Variants in CCNJL observed in about 807,000 individuals in gnomAD.
CCNJL encodes cyclin J like.
In CCNJL, 33 loss-of-function variants were observed where a neutral mutation model predicts 33.4. That is an observed-to-expected ratio of 0.99 (90% confidence interval 0.75 to 1.32). The LOEUF is 1.32. Among genes scored for constraint, CCNJL ranks in the 40% most tolerant of loss-of-function variants. The pLI is 0.00. For missense variants in CCNJL, 512 were observed against 499.7 expected (o/e 1.02, Z -0.23); for synonymous variants, 227 against 220.9 (o/e 1.03, Z -0.24).
At chr5:160,289,884 G>A (rs762693154) in intron 2 of CCNJL, among the ~76,000 whole-genome samples, 2 of 152,194 alleles carry the variant, frequency 1.3e-5, no homozygotes, top group African/African-American at 2.4e-5. Context: ...GGGAGTGCAG[G>A]TGAGGCCAGG....
intron 2 of CCNJL, among the ~76,000 whole-genome samples, chr5:160,299,022 A>G (rs1234035272): frequency 6.6e-6 from 1 of 152,134 alleles, no homozygotes; most frequent in African/African-American, 2.4e-5. Context: ...TCTGTCACCC[A>G]GGCTACAGTG....
chr5:160,331,346 C>T (rs1763605742), intron 1 of CCNJL, among the ~76,000 whole-genome samples: 1 of 151,786 alleles, frequency 6.6e-6, no homozygotes, highest in South Asian at 2.1e-4. Context: ...GCCTCAGCCT[C>T]CCAAGTAGCT....
At chr5:160,330,776 G>A (rs1323601760) in intron 1 of CCNJL, among the ~76,000 whole-genome samples, 1 of 151,984 alleles carries the variant, frequency 6.6e-6, no homozygotes, top group Non-Finnish European at 1.5e-5. Context: ...CAGTTCTCCT[G>A]CCTCAGCCTC....
At position 160,311,988 on chromosome 5, in the gene CCNJL, CA is replaced by C; in HGVS notation, c.-49-17del. On this transcript the variant is annotated splice_polypyrimidine_tract_variant and intron_variant, in intron 1 of 5. Transcript: ENST00000257536. ...AGGGCGCACCCTGCGTGGACACGGG[CA>C]ACTTCAGCGGCCAGAGCGTACCCCG... 7.3e-6 allele frequency: 11 copies of C among 1,498,032 alleles called. No homozygotes were observed. Among genetic ancestry groups the C allele is most frequent in the Non-Finnish European group, 1.0e-5 (11 of 1,076,290 alleles). 92.8% of individuals were successfully genotyped at this position (1,498,032 alleles called of 1,614,324 possible).
upstream of CCNJL, among the ~76,000 whole-genome samples, chr5:160,313,678 A>G (rs1220929619): frequency 6.6e-6 from 1 of 152,164 alleles, no homozygotes; most frequent in Admixed American, 6.5e-5. Flanking sequence ...GCTCTTAATG[A>G]AGACATTACA....
chr5:160,262,768 G>A (rs1400057525), intron 3 of CCNJL, among the ~76,000 whole-genome samples: 7 of 152,324 alleles, frequency 4.6e-5, no homozygotes, highest in African/African-American at 1.7e-4. Flanking sequence ...TTAAAAAGCA[G>A]CCAGAAAAGA....
chr5:160,284,873 CT>C (rs915499338), intron 2 of CCNJL, among the ~76,000 whole-genome samples: 34 of 149,678 alleles, frequency 2.3e-4, no homozygotes, highest in African/African-American at 6.6e-4. Flanking sequence ...CTTTTTTCAA[CT>C]TTTTTTTTTA....
intron 1 of CCNJL, among the ~76,000 whole-genome samples, chr5:160,328,683 A>G (rs1243587287): frequency 6.6e-6 from 1 of 151,410 alleles, no homozygotes; most frequent in Non-Finnish European, 1.5e-5. Context: ...CAGCCTGACC[A>G]ATATGGTGAA....
At chr5:160,278,765 G>A (rs906277539) in intron 3 of CCNJL, among the ~76,000 whole-genome samples, 1 of 152,238 alleles carries the variant, frequency 6.6e-6, no homozygotes, top group Admixed American at 6.5e-5. Flanking sequence ...GGGCCGCGAT[G>A]CAGCCCACAG....
rs1368624608 is a variant in CCNJL at position 160,280,755 on chromosome 5, G to A, written c.67-17C>T. ...CTTCAGTTCCTGGAGGACAGGCGGG[G>A]CGGAGGGGTGACGGTCAGGGCTGCC... is the stretch of plus-strand genomic sequence containing the variant. On this transcript the variant is annotated splice_polypyrimidine_tract_variant and intron_variant, in intron 2 of 5. Coordinates refer to ENST00000257536, the MANE Select transcript of CCNJL (RefSeq NM_001308173.3). 4 of 1,550,830 alleles carry A rather than the reference G, an allele frequency of 2.6e-6. No homozygotes were observed. Among genetic ancestry groups the A allele is most frequent in the East Asian group, 2.4e-5 (1 of 42,288 alleles).
intron 2 of CCNJL, among the ~76,000 whole-genome samples, chr5:160,301,887 G>A (rs570061057): frequency 1.3e-5 from 2 of 151,416 alleles, no homozygotes; most frequent in East Asian, 2.0e-4. Flanking sequence ...GTGCCACCAC[G>A]CCCAGCTAAT....
Position 160,312,386 on chromosome 5 carries a change from G to C in CCNJL, c.-72C>G, listed in dbSNP as rs1454067140. 6.2e-6 allele frequency: 1 copy of C among 161,042 alleles called. No individual in the cohort carries two copies. The highest frequency in any genetic ancestry group is 2.4e-5 in the African/African-American group (1 of 41,558). The allele number at this position is 161,042 out of a possible 1,614,324, so 10.0% of individuals were successfully genotyped here. ...CACGCATCCTCTCTGGGCGTGGGGGGCTGCGAGCGCCGGGCCCCTCCCAGT... is the reference window on the plus strand; with the variant it reads ...CACGCATCCTCTCTGGGCGTGGGGGCCTGCGAGCGCCGGGCCCCTCCCAGT... On this transcript the variant is annotated 5_prime_UTR_variant, in exon 1 of 6. Coordinates refer to ENST00000257536, the MANE Select transcript of CCNJL (RefSeq NM_001308173.3).
chr5:160,274,260 A>T (rs1015514003), intron 3 of CCNJL, among the ~76,000 whole-genome samples: 7 of 151,980 alleles, frequency 4.6e-5, no homozygotes, highest in Non-Finnish European at 1.0e-4. Context: ...GGTGTTTGAG[A>T]CTAGCCTGGC....
At chr5:160,265,840 G>A (rs1761558293) in intron 3 of CCNJL, among the ~76,000 whole-genome samples, 1 of 147,736 alleles carries the variant, frequency 6.8e-6, no homozygotes, top group South Asian at 2.1e-4. Flanking sequence ...GCGACAGAGC[G>A]AGACTCCGTC....
At chr5:160,326,352 G>C (rs1409360565) in intron 1 of CCNJL, among the ~76,000 whole-genome samples, 1 of 152,014 alleles carries the variant, frequency 6.6e-6, no homozygotes, top group East Asian at 1.9e-4. Context: ...GCACGCATCT[G>C]TAACCCTAGC....
chr5:160,320,826 T>C (rs145662894), intron 1 of CCNJL, among the ~76,000 whole-genome samples: 1,738 of 114,958 alleles, frequency 0.015, 13 homozygotes, highest in South Asian at 0.033. Context: ...TCTTTCTTTC[T>C]TTCTTTCTTT....
intron 2 of CCNJL, among the ~76,000 whole-genome samples, chr5:160,299,831 C>T (rs1762868733): frequency 7.1e-6 from 1 of 141,158 alleles, no homozygotes; most frequent in Non-Finnish European, 1.5e-5. Flanking sequence ...CTCTGAATTG[C>T]TTGGATTTTT....
chr5:160,298,175 C>A (rs1252598140), intron 2 of CCNJL, among the ~76,000 whole-genome samples: 1 of 152,174 alleles, frequency 6.6e-6, no homozygotes, highest in Non-Finnish European at 1.5e-5. Flanking sequence ...GGTGGAGTTA[C>A]TGGTAGCCAT....
chr5:160,262,489 A>G (rs181254637), intron 3 of CCNJL, among the ~76,000 whole-genome samples: 42 of 152,338 alleles, frequency 2.8e-4, no homozygotes, highest in African/African-American at 9.9e-4. Flanking sequence ...TACGAGCACT[A>G]AACTCGACAG....
Sources: allele counts gnomAD v4.1 joint callset (sites outside exome capture counted in the v4.1 genomes callset), GRCh38; gene constraint gnomAD v4.1.1; transcripts MANE v1.5; gene names NCBI Gene and HGNC (gene_info 2026-07-23, HGNC 2026-07-21).